PDSS2: variants seen among roughly 807,000 people sequenced by gnomAD.
PDSS2 encodes all trans-polyprenyl-diphosphate synthase PDSS2.
Under a neutral mutation model 44.5 loss-of-function variants are expected in PDSS2, and 31 were observed. That is an observed-to-expected ratio of 0.70 (90% confidence interval 0.52 to 0.94). The LOEUF is 0.94. Ranked by LOEUF, PDSS2 falls within the 40% of genes least tolerant of loss-of-function variation. The pLI is 0.00. For missense variants in PDSS2, 452 were observed against 482.2 expected, an observed-to-expected ratio of 0.94 and a Z score of 0.59; for synonymous variants, 157 against 180.3, an observed-to-expected ratio of 0.87 and a Z score of 1.03.
At chr6:107,380,861 A>C (rs930011371) in intron 1 of PDSS2, among the ~76,000 whole-genome samples, 32 of 152,158 alleles carry the variant, frequency 2.1e-4, no homozygotes, top group Non-Finnish European at 4.3e-4. Context: ...AACTTTTTAC[A>C]TGTGACAGGA....
chr6:107,276,615 G>A (rs1775792754), intron 2 of PDSS2, among the ~76,000 whole-genome samples: 2 of 152,152 alleles, frequency 1.3e-5, no homozygotes, highest in Admixed American at 1.3e-4. Context: ...TGAAATATTG[G>A]GGCCAGAGGG....
At chr6:107,446,581 A>G (rs984753146) in intron 1 of PDSS2, among the ~76,000 whole-genome samples, 1 of 152,134 alleles carries the variant, frequency 6.6e-6, no homozygotes, top group Non-Finnish European at 1.5e-5. Flanking sequence ...AATACCCAAG[A>G]CTGGGTAATT....
chr6:107,333,571 G>C (rs1360719941), intron 2 of PDSS2, among the ~76,000 whole-genome samples: 1 of 152,044 alleles, frequency 6.6e-6, no homozygotes, highest in East Asian at 1.9e-4. Context: ...GTCTTGCTCT[G>C]TTACCCAGGC....
intron 1 of PDSS2, among the ~76,000 whole-genome samples, chr6:107,430,268 G>A (rs559910084): frequency 6.6e-6 from 1 of 151,804 alleles, no homozygotes; most frequent in South Asian, 2.1e-4. Flanking sequence ...GGGAGGCCAA[G>A]GTGGGTGGAC....
intron 4 of PDSS2, among the ~76,000 whole-genome samples, chr6:107,240,020 A>G (rs751752308): frequency 1.2e-4 from 19 of 152,208 alleles, no homozygotes; most frequent in Admixed American, 9.2e-4. Flanking sequence ...TCCAAAGTCA[A>G]TTTTGTAAAA....
intron 1 of PDSS2, among the ~76,000 whole-genome samples, chr6:107,376,063 G>T (rs1460873819): frequency 1.3e-5 from 2 of 152,190 alleles, no homozygotes; most frequent in Non-Finnish European, 2.9e-5. Flanking sequence ...TCAAAGATCA[G>T]ATAGTTGTAG....
chr6:107,457,966 A>G lies in PDSS2; in HGVS notation c.296+1024T>C, dbSNP rs1347158988. Among the ~76,000 whole-genome samples the G allele has an allele frequency of 2.6e-5, 4 of 152,306 alleles. No homozygotes were observed. The East Asian group carries it at 7.7e-4, about 29-fold the overall frequency. ...CGTGATGTATGCAATCTACCATCAA[A>G]TGATTCAGAAAAAAATATATAGAAA... On this transcript the variant is annotated intron_variant, in intron 1 of 7. Transcript: ENST00000369037.
intron 1 of PDSS2, among the ~76,000 whole-genome samples, chr6:107,350,589 C>T (rs1239653235): frequency 2.0e-5 from 3 of 152,034 alleles, no homozygotes; most frequent in African/African-American, 7.2e-5. Flanking sequence ...AGGGAGAAGG[C>T]CAGGATTTGG....
intron 7 of PDSS2, among the ~76,000 whole-genome samples, chr6:107,181,622 G>A (rs1771986487): frequency 1.3e-5 from 2 of 151,724 alleles, no homozygotes; most frequent in Admixed American, 1.3e-4. Context: ...GGGCACCGTG[G>A]CTCACACCTG....
intron 6 of PDSS2, among the ~76,000 whole-genome samples, chr6:107,209,836 G>A (rs1773135614): frequency 6.6e-6 from 1 of 151,956 alleles, no homozygotes. Flanking sequence ...ATTCCAAGAG[G>A]CTTTGGCTAA....
chr6:107,378,871 A>AGGACTCT (rs1386102698), intron 1 of PDSS2, among the ~76,000 whole-genome samples: 5 of 152,224 alleles, frequency 3.3e-5, no homozygotes, highest in Non-Finnish European at 5.9e-5. Flanking sequence ...AGTTTCTGGA[A>AGGACTCT]GGAAGAACAC....
chr6:107,171,570 G>A (rs554271748), intron 7 of PDSS2, among the ~76,000 whole-genome samples: 37 of 151,992 alleles, frequency 2.4e-4, no homozygotes, highest in African/African-American at 8.9e-4. Flanking sequence ...GGAGTGCAGT[G>A]GTATGATCAA....
chr6:107,261,578 C>CTT (rs36106088), intron 3 of PDSS2, among the ~76,000 whole-genome samples: 2,467 of 112,778 alleles, frequency 0.022, 123 homozygotes, highest in African/African-American at 0.065. Flanking sequence ...TCTTTTCTTT[C>CTT]TTTTTTTTTT....
intron 1 of PDSS2, among the ~76,000 whole-genome samples, chr6:107,441,922 C>A (rs1309013781): frequency 6.6e-6 from 1 of 152,150 alleles, no homozygotes; most frequent in Non-Finnish European, 1.5e-5. Flanking sequence ...GCAATAAAGA[C>A]CAAACAGACC....
intron 1 of PDSS2, among the ~76,000 whole-genome samples, chr6:107,452,984 G>A (rs903130777): frequency 5.9e-5 from 9 of 151,980 alleles, no homozygotes; most frequent in African/African-American, 2.2e-4. Context: ...CTTTTATGGA[G>A]TCCAATTATT....
intron 1 of PDSS2, among the ~76,000 whole-genome samples, chr6:107,410,161 C>A (rs1157375091): frequency 6.6e-6 from 1 of 152,126 alleles, no homozygotes; most frequent in Admixed American, 6.5e-5. Flanking sequence ...CATTAAAAGT[C>A]TCCAAGAGCA....
intron 2 of PDSS2, among the ~76,000 whole-genome samples, chr6:107,330,745 A>G (rs1413560383): frequency 6.6e-6 from 1 of 152,180 alleles, no homozygotes; most frequent in African/African-American, 2.4e-5. Context: ...TTTGCAACCA[A>G]TTTTTTAAAA....
Position 107,427,708 on chromosome 6 carries a change from T to G in PDSS2, c.296+31282A>C, listed in dbSNP as rs141570881. ...GTCATTCCATCCTAAATGAGCCCTT[T>G]CTTATATTTCCAGAGGTTTCTTATA... On this transcript the variant is annotated intron_variant, in intron 1 of 7. Coordinates refer to ENST00000369037, the MANE Select transcript of PDSS2 (RefSeq NM_020381.4). 3.6e-3 allele frequency among the ~76,000 whole-genome samples: 546 copies of G among 152,344 alleles called. 3 individuals are homozygous for G. The highest frequency in any genetic ancestry group is 0.013 in the African/African-American group (522 of 41,578).
intron 1 of PDSS2, among the ~76,000 whole-genome samples, chr6:107,349,544 T>A (rs1778368328): frequency 6.6e-6 from 1 of 150,844 alleles, no homozygotes; most frequent in East Asian, 2.0e-4. Flanking sequence ...AGGTCAGGAG[T>A]TCGAGATCAG....
Sources: allele counts gnomAD v4.1 joint callset (sites outside exome capture counted in the v4.1 genomes callset), GRCh38; gene constraint gnomAD v4.1.1; transcripts MANE v1.5; gene names NCBI Gene and HGNC (gene_info 2026-07-23, HGNC 2026-07-21).